Variants in CDH20 observed in about 807,000 individuals in gnomAD.
The protein encoded by CDH20 is cadherin-20.
In CDH20, 29 loss-of-function variants were observed where a neutral mutation model predicts 74.2. That is an observed-to-expected ratio of 0.39 (90% confidence interval 0.29 to 0.53). CDH20 has a LOEUF of 0.53. CDH20 is among the 20% of genes least tolerant of loss of function. The probability of loss-of-function intolerance (pLI) is 0.69; values close to 1 mark genes in which losing one functional copy is unlikely to be tolerated. For synonymous variants in CDH20, 469 were observed against 405.4 expected (o/e 1.16, Z -1.88); for missense variants, 988 against 1,048.3 (o/e 0.94, Z 0.79).
chr18:61,515,153 C>T (rs1324698693), intron 6 of CDH20, among the ~76,000 whole-genome samples: 2 of 152,138 alleles, frequency 1.3e-5, no homozygotes, highest in Non-Finnish European at 2.9e-5. Flanking sequence ...ATCAGCGAGA[C>T]TCCGTGGGCC....
chr18:61,497,105 AAGAAAG>A (rs1568164382), intron 2 of CDH20, among the ~76,000 whole-genome samples: 4 of 138,458 alleles, frequency 2.9e-5, no homozygotes, highest in Non-Finnish European at 6.3e-5. Context: ...AAAAAAAAGA[AAGAAAG>A]AAAGAAAGAA....
chr18:61,432,008 G>A (rs1289785822), intron 1 of CDH20, among the ~76,000 whole-genome samples: 3 of 151,874 alleles, frequency 2.0e-5, no homozygotes, highest in South Asian at 2.1e-4. Flanking sequence ...ATGTCGAGGC[G>A]GGCAGATCAC....
intron 1 of CDH20, among the ~76,000 whole-genome samples, chr18:61,457,290 A>C (rs536595725): frequency 6.6e-6 from 1 of 152,204 alleles, no homozygotes; most frequent in Admixed American, 6.5e-5. Context: ...ATCTCTCTTA[A>C]TAATTACAGT....
chr18:61,376,967 AG>A (rs1599045227), intron 1 of CDH20, among the ~76,000 whole-genome samples: 2 of 152,282 alleles, frequency 1.3e-5, no homozygotes, highest in East Asian at 3.9e-4. Context: ...TGTATTAGCT[AG>A]GCTCAATAAA....
At chr18:61,404,490 T>C (rs1455930972) in intron 1 of CDH20, among the ~76,000 whole-genome samples, 2 of 152,076 alleles carry the variant, frequency 1.3e-5, no homozygotes, top group East Asian at 1.9e-4. Context: ...CTCCCACATA[T>C]AGAAATCCAG....
At chr18:61,358,242 G>A (rs112759035) in intron 1 of CDH20, among the ~76,000 whole-genome samples, 9,203 of 150,994 alleles carry the variant, frequency 0.061, 374 homozygotes, top group Middle Eastern at 0.11. Context: ...AGCCTCCCGA[G>A]TAGCTGGGAC....
intron 6 of CDH20, among the ~76,000 whole-genome samples, chr18:61,516,719 A>T (rs1018730361): frequency 1.3e-5 from 2 of 152,174 alleles, no homozygotes; most frequent in African/African-American, 4.8e-5. Flanking sequence ...GCCAAAACTC[A>T]TTATCAAGTG....
intron 1 of CDH20, among the ~76,000 whole-genome samples, chr18:61,431,663 C>A (rs1913258994): frequency 9.7e-6 from 1 of 103,230 alleles, no homozygotes. Flanking sequence ...AAATGATAGC[C>A]CTATTATTTT....
chr18:61,342,158 C>A (rs191706348), intron 1 of CDH20, among the ~76,000 whole-genome samples: 3 of 152,146 alleles, frequency 2.0e-5, no homozygotes, highest in African/African-American at 7.2e-5. Flanking sequence ...CATGAAATAC[C>A]AAGTATTATA....
At chr18:61,517,197 G>C (rs1011031947) in intron 6 of CDH20, among the ~76,000 whole-genome samples, 8 of 152,190 alleles carry the variant, frequency 5.3e-5, no homozygotes, top group Admixed American at 3.9e-4. Context: ...ATTGGACAAA[G>C]ATGTATTCCA....
At chr18:61,542,158 C>T (rs1487799555) in intron 9 of CDH20, among the ~76,000 whole-genome samples, 2 of 152,190 alleles carry the variant, frequency 1.3e-5, no homozygotes, top group Non-Finnish European at 2.9e-5. Context: ...TGTTACCTCT[C>T]TATGTGTTTG....
intron 1 of CDH20, among the ~76,000 whole-genome samples, chr18:61,355,478 A>G (rs981994752): frequency 2.0e-5 from 3 of 152,232 alleles, no homozygotes; most frequent in African/African-American, 7.2e-5. Context: ...GAAAGAACAC[A>G]TGTAGCCAAG....
intron 6 of CDH20, among the ~76,000 whole-genome samples, chr18:61,518,115 C>T (rs1220360725): frequency 1.3e-5 from 2 of 152,152 alleles, no homozygotes; most frequent in Admixed American, 6.5e-5. Flanking sequence ...AGGCAGCAGC[C>T]CCAGTCAGGG....
At chr18:61,457,754 T>G (rs1443295196) in intron 1 of CDH20, among the ~76,000 whole-genome samples, 1 of 152,158 alleles carries the variant, frequency 6.6e-6, no homozygotes, top group Non-Finnish European at 1.5e-5. Flanking sequence ...TGGCAAGATC[T>G]TAGCTCTTTG....
intron 1 of CDH20, among the ~76,000 whole-genome samples, chr18:61,337,784 A>G (rs760566810): frequency 2.0e-5 from 3 of 152,218 alleles, no homozygotes; most frequent in Non-Finnish European, 2.9e-5. Flanking sequence ...AGCACATGGT[A>G]TCTGGGGAGG....
At position 61,490,642 on chromosome 18, in the gene CDH20, C is replaced by T; in HGVS notation, c.89C>T (p.Thr30Ile). The stretch of plus-strand genomic sequence containing the variant: ...TTCTGGGGGCTGATGGACCTTACGA[C>T]CACCGTTCTCTCGGACACCCCAACA... Reference protein sequence around the residue: ...LYFWGLMDLTTTVLSDTPTPQ... With the variant: ...LYFWGLMDLTITVLSDTPTPQ... The change falls in exon 2 of 12, where the codon ACC becomes ATC. Residue 30 changes from threonine (T) to isoleucine (I), a missense_variant. Around this residue, in one of 2 missense-constraint regions of CDH20, gnomAD observed 613 missense variants for 755.2 expected, o/e 0.81. Coordinates refer to ENST00000262717, the MANE Select transcript of CDH20 (RefSeq NM_031891.4). The T allele has an allele frequency of 1.2e-6, 2 of 1,614,094 alleles. No homozygotes were observed. The highest frequency in any genetic ancestry group is 2.2e-5 in the South Asian group (2 of 91,072).
chr18:61,488,661 A>G (rs1453080053), intron 1 of CDH20, among the ~76,000 whole-genome samples: 1 of 152,222 alleles, frequency 6.6e-6, no homozygotes, highest in Non-Finnish European at 1.5e-5. Context: ...CTTACAATAT[A>G]CAGAATATTG....
At chr18:61,527,373 A>AGATAGATAGATAGATT (rs529075959) in intron 6 of CDH20, among the ~76,000 whole-genome samples, 1 of 123,918 alleles carries the variant, frequency 8.1e-6, no homozygotes, top group Non-Finnish European at 1.9e-5. Flanking sequence ...TCTAATAGAT[A>AGATAGATAGATAGATT]GATAGATAGA....
At chr18:61,546,698 AG>A (rs1913263325) in intron 10 of CDH20, among the ~76,000 whole-genome samples, 1 of 152,232 alleles carries the variant, frequency 6.6e-6, no homozygotes, top group Non-Finnish European at 1.5e-5. Flanking sequence ...AATTTCTTAA[AG>A]AGGACTTTGG....
Sources: gnomAD v4.1 joint callset for allele counts (sites outside exome capture counted in the v4.1 genomes callset) on GRCh38, gnomAD v4.1.1 for gene constraint, gnomAD v4.1.1 regional missense constraint, MANE v1.5 for transcripts, NCBI Gene and HGNC (gene_info 2026-07-23, HGNC 2026-07-21) for gene names.